The following CDKAL1 variants were observed in gnomAD, a reference collection of about 807,000 sequenced individuals.
CDKAL1 encodes the protein threonylcarbamoyladenosine tRNA methylthiotransferase.
Under a neutral mutation model 68.2 loss-of-function variants are expected in CDKAL1, and 32 were observed. The ratio of observed to expected loss-of-function variants is 0.47; its 90% CI spans 0.35 to 0.63. CDKAL1 has a LOEUF of 0.63. Among genes scored for constraint, CDKAL1 ranks in the 30% least tolerant of loss-of-function variants. The pLI is 0.00. For synonymous variants in CDKAL1, 234 were observed against 244.3 expected (o/e 0.96, Z 0.39); for missense variants, 606 against 696.7 (o/e 0.87, Z 1.47).
At chr6:20,928,200 A>G (rs879731918) in intron 9 of CDKAL1, among the ~76,000 whole-genome samples, 8 of 152,184 alleles carry the variant, frequency 5.3e-5, no homozygotes, top group Non-Finnish European at 1.0e-4. Context: ...ATGTAAAGGT[A>G]TCATGGAAGG....
chr6:20,954,700 C>T (rs937948854), intron 9 of CDKAL1, among the ~76,000 whole-genome samples: 7 of 152,100 alleles, frequency 4.6e-5, no homozygotes, highest in African/African-American at 1.7e-4. Flanking sequence ...GAAGCATTAT[C>T]ATTGCAGGGT....
At chr6:20,915,567 T>TA (rs1478393302) in intron 9 of CDKAL1, among the ~76,000 whole-genome samples, 4 of 152,198 alleles carry the variant, frequency 2.6e-5, no homozygotes, top group Non-Finnish European at 5.9e-5. Context: ...GTTAATAACA[T>TA]ACAAAAAATT....
intron 9 of CDKAL1, among the ~76,000 whole-genome samples, chr6:20,857,814 GC>G (rs1759413535): frequency 6.6e-6 from 1 of 152,092 alleles, no homozygotes; most frequent in Non-Finnish European, 1.5e-5. Context: ...ATAGATATAG[GC>G]CCCAGCTCCA....
Position 20,590,262 on chromosome 6 carries a change from A to G in CDKAL1, c.286+41557A>G, listed in dbSNP as rs181859025. On this transcript the variant is annotated intron_variant, in intron 4 of 15. Coordinates refer to ENST00000274695, the MANE Select transcript of CDKAL1 (RefSeq NM_017774.3). ...ACAAGATTATATTATGTTGTATCTA[A>G]TAAGGCCATCATGATGATTCTAGAC... 1.5e-4 allele frequency among the ~76,000 whole-genome samples: 23 copies of G among 152,286 alleles called. No individual in the cohort carries two copies. The East Asian group carries it at 4.0e-3, about 27-fold the overall frequency.
intron 4 of CDKAL1, among the ~76,000 whole-genome samples, chr6:20,551,468 T>A (rs1389731992): frequency 7.3e-5 from 11 of 151,172 alleles, no homozygotes; most frequent in African/African-American, 2.4e-4. Flanking sequence ...CCTGGGTTCA[T>A]GTCGTTCTCC....
chr6:20,704,625 C>G (rs1328677166), intron 5 of CDKAL1, among the ~76,000 whole-genome samples: 2 of 152,054 alleles, frequency 1.3e-5, no homozygotes, highest in Non-Finnish European at 2.9e-5. Context: ...GAGGCAAAGC[C>G]ACATGAGACC....
At chr6:20,748,775 G>GGAAAACTGAGAGCCACATGCAAAA (rs372888881) in intron 6 of CDKAL1, among the ~76,000 whole-genome samples, 1 of 151,100 alleles carries the variant, frequency 6.6e-6, no homozygotes, top group African/African-American at 2.4e-5. Flanking sequence ...TATGGTGTTG[G>GGAAAACTGAGAGCCACATGCAAAA]GAATGAAACT....
At chr6:21,082,929 A>G (rs1400221495) in intron 12 of CDKAL1, among the ~76,000 whole-genome samples, 1 of 141,848 alleles carries the variant, frequency 7.0e-6, no homozygotes, top group African/African-American at 2.7e-5. Flanking sequence ...GCTGGAGTGC[A>G]GCGGCACAGT....
At chr6:20,687,704 T>G (rs1770689378) in intron 5 of CDKAL1, among the ~76,000 whole-genome samples, 1 of 152,060 alleles carries the variant, frequency 6.6e-6, no homozygotes, top group African/African-American at 2.4e-5. Context: ...TTTTCTATTT[T>G]TGGTAGAGAG....
At chr6:20,608,162 G>A (rs767782325) in intron 4 of CDKAL1, among the ~76,000 whole-genome samples, 6 of 152,152 alleles carry the variant, frequency 3.9e-5, no homozygotes, top group African/African-American at 7.2e-5. Flanking sequence ...CATATAAACA[G>A]CATTATTATC....
At chr6:21,077,832 C>G (rs991212242) in intron 12 of CDKAL1, among the ~76,000 whole-genome samples, 2 of 152,148 alleles carry the variant, frequency 1.3e-5, no homozygotes, top group Non-Finnish European at 2.9e-5. Flanking sequence ...TTTGCAGATG[C>G]AATTAAGTTC....
At chr6:20,726,469 C>A (rs1462873190) in intron 5 of CDKAL1, among the ~76,000 whole-genome samples, 1 of 152,220 alleles carries the variant, frequency 6.6e-6, no homozygotes, top group African/African-American at 2.4e-5. Context: ...GAGCCATGGT[C>A]ACTCATATTG....
intron 13 of CDKAL1, among the ~76,000 whole-genome samples, chr6:21,131,049 A>C (rs1775296820): frequency 6.6e-6 from 1 of 152,238 alleles, no homozygotes; most frequent in Admixed American, 6.5e-5. Flanking sequence ...ATGATATACC[A>C]AAGTTCAAAA....
intron 13 of CDKAL1, among the ~76,000 whole-genome samples, chr6:21,132,845 T>C (rs1227180136): frequency 2.0e-5 from 3 of 152,206 alleles, no homozygotes. Flanking sequence ...TAGTGGCTGT[T>C]AGGAAGTCGA....
chr6:20,733,873 G>C (rs1318707267), intron 5 of CDKAL1, among the ~76,000 whole-genome samples: 2 of 152,012 alleles, frequency 1.3e-5, no homozygotes, highest in Admixed American at 1.3e-4. Flanking sequence ...TACAGGCCGG[G>C]CATGGTGGCT....
At chr6:20,657,154 A>C (rs912237649) in intron 5 of CDKAL1, among the ~76,000 whole-genome samples, 1 of 152,208 alleles carries the variant, frequency 6.6e-6, no homozygotes, top group Admixed American at 6.5e-5. Flanking sequence ...AGCAAAGATG[A>C]GTAGTGTAAC....
At chr6:20,740,145 G>C (rs1465471912) in intron 6 of CDKAL1, among the ~76,000 whole-genome samples, 2 of 152,066 alleles carry the variant, frequency 1.3e-5, no homozygotes, top group African/African-American at 2.4e-5. Flanking sequence ...TTTGAATAAA[G>C]CCCACCTGTC....
intron 4 of CDKAL1, among the ~76,000 whole-genome samples, chr6:20,549,903 A>G (rs1351519326): frequency 6.6e-6 from 1 of 150,670 alleles, no homozygotes; most frequent in Non-Finnish European, 1.5e-5. Flanking sequence ...CACTGCGCCC[A>G]GCCTCCTCTT....
At chr6:20,694,205 C>CAAGCAAAG (rs1243342510) in intron 5 of CDKAL1, among the ~76,000 whole-genome samples, 2 of 152,016 alleles carry the variant, frequency 1.3e-5, no homozygotes, top group Non-Finnish European at 2.9e-5. Context: ...AACAAGCAAA[C>CAAGCAAAG]AAACAAACGT....
Sources: allele counts gnomAD v4.1 joint callset (sites outside exome capture counted in the v4.1 genomes callset), GRCh38; gene constraint gnomAD v4.1.1; transcripts MANE v1.5; gene names NCBI Gene and HGNC (gene_info 2026-07-23, HGNC 2026-07-21).